NEGR1: variants seen among roughly 807,000 people sequenced by gnomAD.
NEGR1 encodes the protein IgLON family member 4.
In NEGR1, 10 loss-of-function variants were observed where a neutral mutation model predicts 40.9. The ratio of observed to expected loss-of-function variants is 0.24; its 90% CI spans 0.15 to 0.42. The LOEUF is 0.42. NEGR1 is among the 10% of genes least tolerant of loss of function. The probability of loss-of-function intolerance (pLI) is 1.00; values close to 1 mark genes in which losing one functional copy is unlikely to be tolerated. For missense variants in NEGR1, 352 were observed against 438.9 expected (o/e 0.80, Z 1.77); for synonymous variants, 185 against 166.8 (o/e 1.11, Z -0.84).
At chr1:72,030,365 C>T (rs2171164) in intron 1 of NEGR1, among the ~76,000 whole-genome samples, 14,023 of 151,890 alleles carry the variant, frequency 0.092, 906 homozygotes, top group Admixed American at 0.18. Flanking sequence ...CACCACCATG[C>T]CCGGCTAATA....
chr1:72,209,764 C>A (rs1653532989), intron 1 of NEGR1, among the ~76,000 whole-genome samples: 1 of 151,626 alleles, frequency 6.6e-6, no homozygotes, highest in African/African-American at 2.4e-5. Context: ...CTTAATCTAC[C>A]ACAGTTTATC....
At chr1:71,593,166 T>C (rs948486510) in intron 5 of NEGR1, among the ~76,000 whole-genome samples, 198 bp from the exon 6 acceptor site, 3 of 152,180 alleles carry the variant, frequency 2.0e-5, no homozygotes, top group African/African-American at 7.2e-5. Context: ...CAGCTGTAGA[T>C]TGTTCCTGTG....
intron 1 of NEGR1, among the ~76,000 whole-genome samples, chr1:72,135,063 A>G (rs1290427005): frequency 6.6e-6 from 1 of 150,664 alleles, no homozygotes; most frequent in Non-Finnish European, 1.5e-5. Context: ...AAGTAACCAA[A>G]ACAATCAGAC....
chr1:72,225,990 G>A (rs988445279), intron 1 of NEGR1, among the ~76,000 whole-genome samples: 25 of 151,654 alleles, frequency 1.6e-4, no homozygotes, highest in African/African-American at 5.6e-4. Context: ...AAAGTATGTC[G>A]TAGACAAAAA....
chr1:72,177,433 T>C (rs551137540), intron 1 of NEGR1, among the ~76,000 whole-genome samples: 11 of 152,176 alleles, frequency 7.2e-5, no homozygotes, highest in South Asian at 2.1e-4. Flanking sequence ...TTACTGAACA[T>C]TTATTTCATT....
chr1:72,173,003 TTTTA>T (rs1409653949), intron 1 of NEGR1, among the ~76,000 whole-genome samples: 1 of 151,962 alleles, frequency 6.6e-6, no homozygotes, highest in Non-Finnish European at 1.5e-5. Context: ...TTCATTTTTA[TTTTA>T]TTTATTTATT....
chr1:71,940,394 G>C (rs1645947969), intron 1 of NEGR1, among the ~76,000 whole-genome samples: 1 of 152,116 alleles, frequency 6.6e-6, no homozygotes, highest in Non-Finnish European at 1.5e-5. Flanking sequence ...CATATGCTCT[G>C]TTGACACTAT....
At chr1:71,633,142 T>A (rs576534767) in intron 4 of NEGR1, among the ~76,000 whole-genome samples, 1 of 152,222 alleles carries the variant, frequency 6.6e-6, no homozygotes, top group African/African-American at 2.4e-5. Flanking sequence ...ACACTCTCAG[T>A]TTTTAGTCCA....
intron 1 of NEGR1, among the ~76,000 whole-genome samples, chr1:72,142,613 C>G (rs1447575078): frequency 1.3e-5 from 2 of 151,692 alleles, no homozygotes; most frequent in African/African-American, 2.4e-5. Context: ...TAAACATACC[C>G]TCATATATCT....
chr1:71,870,808 T>C (rs1429817823), intron 2 of NEGR1, among the ~76,000 whole-genome samples: 1 of 152,188 alleles, frequency 6.6e-6, no homozygotes, highest in African/African-American at 2.4e-5. Context: ...ATCACACTCA[T>C]GAGATGTTGT....
At chr1:71,968,739 G>T (rs530633439) in intron 1 of NEGR1, among the ~76,000 whole-genome samples, 1 of 152,214 alleles carries the variant, frequency 6.6e-6, no homozygotes, top group African/African-American at 2.4e-5. Flanking sequence ...GAAACATCTA[G>T]GTTTCATTAT....
At chr1:71,769,622 C>T (rs549064618) in intron 3 of NEGR1, among the ~76,000 whole-genome samples, 1 of 151,994 alleles carries the variant, frequency 6.6e-6, no homozygotes, top group South Asian at 2.1e-4. Flanking sequence ...CTCTTTGATG[C>T]CACCACGTGA....
At chr1:71,668,139 G>A (rs1652302104) in intron 4 of NEGR1, among the ~76,000 whole-genome samples, 1 of 152,074 alleles carries the variant, frequency 6.6e-6, no homozygotes, top group Admixed American at 6.6e-5. Flanking sequence ...TTTCCTGATA[G>A]GAATATCTTT....
chr1:72,013,768 T>C (rs547824078), intron 1 of NEGR1, among the ~76,000 whole-genome samples: 19 of 151,768 alleles, frequency 1.3e-4, no homozygotes, highest in Admixed American at 3.9e-4. Context: ...GACTGTCATG[T>C]TCGTGAACAA....
At chr1:71,469,926 A>T (rs1381171223) in intron 6 of NEGR1, among the ~76,000 whole-genome samples, 1 of 152,158 alleles carries the variant, frequency 6.6e-6, no homozygotes, top group African/African-American at 2.4e-5. Context: ...AAGAGCAGAT[A>T]TGTTAACCAA....
intron 6 of NEGR1, chr1:71,468,641 T>G (rs1646762521): frequency 6.6e-6 from 1 of 152,046 alleles, no homozygotes; most frequent in Non-Finnish European, 1.5e-5. Context: ...AATTTATATT[T>G]TTTATGAAAC....
At chr1:71,961,609 A>C (rs750352508) in intron 1 of NEGR1, among the ~76,000 whole-genome samples, 7 of 151,922 alleles carry the variant, frequency 4.6e-5, no homozygotes, top group Non-Finnish European at 8.8e-5. Flanking sequence ...AATCATTAAC[A>C]CAGGTGAAGC....
At chr1:71,899,537 T>A (rs539909955) in intron 2 of NEGR1, among the ~76,000 whole-genome samples, 1 of 152,266 alleles carries the variant, frequency 6.6e-6, no homozygotes, top group Non-Finnish European at 1.5e-5. Context: ...GAAATTCAAA[T>A]CCTTGAAATG....
intron 1 of NEGR1, among the ~76,000 whole-genome samples, chr1:72,055,802 AT>A (rs1647104833): frequency 6.8e-6 from 1 of 146,986 alleles, no homozygotes; most frequent in Admixed American, 6.9e-5. Context: ...TATATATTAT[AT>A]ATATATATAA....
Sources: gnomAD v4.1 joint callset for allele counts (sites outside exome capture counted in the v4.1 genomes callset) on GRCh38, gnomAD v4.1.1 for gene constraint, MANE v1.5 for transcripts, NCBI Gene and HGNC (gene_info 2026-07-23, HGNC 2026-07-21) for gene names.